Variants in FAM149B1 observed in about 807,000 individuals in gnomAD.
The protein encoded by FAM149B1 is family with sequence similarity 149 member B1.
FAM149B1 carries 56 observed loss-of-function variants against 75.3 expected under a neutral mutation model. That is an observed-to-expected ratio of 0.74 (90% CI 0.60 to 0.93). The LOEUF (loss-of-function observed/expected upper bound fraction) is 0.93, where lower values mean the gene tolerates loss of function less well. FAM149B1 is among the 40% of genes least tolerant of loss of function. The probability of loss-of-function intolerance (pLI) is 0.00; values close to 1 mark genes in which losing one functional copy is unlikely to be tolerated. For synonymous variants in FAM149B1, 259 were observed against 256.1 expected, an observed-to-expected ratio of 1.01 and a Z score of -0.11; for missense variants, 639 against 708.4, an observed-to-expected ratio of 0.90 and a Z score of 1.11.
chr10:73,230,575 G>A (rs1305683694), intron 9 of FAM149B1, 50 bp downstream of exon 9: 1 of 1,076,036 alleles, frequency 9.3e-7, no homozygotes, highest in African/African-American at 1.6e-5. Flanking sequence ...GGAAACAGAG[G>A]GAAAGCAAAA....
chr10:73,210,384 G>A lies in FAM149B1; in HGVS notation c.844G>A (p.Val282Ile). The A allele has an allele frequency of 3.2e-6, 5 of 1,551,670 alleles. No individual in the cohort carries two copies. The highest frequency in any genetic ancestry group is 4.4e-6 in the Non-Finnish European group (5 of 1,146,932). Residue 282 changes from valine to isoleucine, a missense_variant, in exon 7 of 14, where the codon GTT becomes ATT. By Grantham distance (29) the Val-to-Ile change is conservative. Transcript: ENST00000242505. ...TGTGTTTGACAGTGTATGGTGCAAGGTTGTGAGCTGTATGGAGCAGTTGAC... is the reference window on the plus strand; with the variant it reads ...TGTGTTTGACAGTGTATGGTGCAAGATTGTGAGCTGTATGGAGCAGTTGAC... Reference protein sequence around the residue: ...AYVFDSVWCKVVSCMEQLTRS... With the variant: ...AYVFDSVWCKIVSCMEQLTRS...
intron 1 of FAM149B1, among the ~76,000 whole-genome samples, chr10:73,170,124 C>G (rs905127768): frequency 1.3e-5 from 2 of 152,080 alleles, no homozygotes; most frequent in Non-Finnish European, 1.5e-5. Context: ...TCTGGCTAGG[C>G]TGTCTTCTAG....
At position 73,233,061 on chromosome 10, in the gene FAM149B1, G is replaced by A. The variant is rs1484792152; in HGVS notation, c.1250G>A (p.Arg417Lys). 6.4e-7 allele frequency: 1 copy of A among 1,551,530 alleles called. No homozygotes were observed. Among genetic ancestry groups the A allele is most frequent in the African/African-American group, 1.4e-5 (1 of 73,002 alleles). The part of the protein sequence containing the change: ...SSLSYTVQST[R>K]RRNPPPRTLH... ...CTGTCATACACAGTGCAGTCCACCA[G>A]GAGACGCAATCCACCACCACGAACT... The change falls in exon 10 of 14, where the codon AGG becomes AAG. Residue 417 changes from arginine to lysine, a missense_variant. Physicochemically the swap from Arg to Lys is conservative, Grantham distance 26. Coordinates refer to ENST00000242505, the MANE Select transcript of FAM149B1 (RefSeq NM_173348.2).
chr10:73,198,786 C>CAA (rs1388085460), intron 5 of FAM149B1, among the ~76,000 whole-genome samples: 2 of 152,038 alleles, frequency 1.3e-5, no homozygotes, highest in Admixed American at 1.3e-4. Flanking sequence ...GCCTGGGCGG[C>CAA]AAGAGTGAAA....
In FAM149B1 at chr10:73,170,641, G is replaced by A. The variant is rs551807417; in HGVS notation, c.47+2255G>A. The stretch of plus-strand genomic sequence containing the variant: ...TACAATAGGCATACAAAGAAAATAA[G>A]TCTAAAACCTCTCTTTGCCTTTTAG... On this transcript the variant is annotated intron_variant, in intron 1 of 13. Transcript: ENST00000242505. Among the ~76,000 whole-genome samples the A allele has an allele frequency of 2.6e-5, 4 of 152,266 alleles. No homozygotes were observed. The South Asian group carries it at 6.2e-4, about 24-fold the overall frequency.
In FAM149B1 at chr10:73,230,426, G is replaced by C. The variant is rs770670664; in HGVS notation, c.1028G>C (p.Ser343Thr). The C allele has an allele frequency of 4.1e-5, 62 of 1,528,606 alleles. No individual in the cohort carries two copies. Among genetic ancestry groups the C allele is most frequent in the Non-Finnish European group, 5.5e-5 (62 of 1,125,834 alleles). The allele number at this position is 1,528,606 out of a possible 1,614,324, so 94.7% of individuals were successfully genotyped here. A position where few individuals can be genotyped will look rare whatever the true frequency, so the allele number is the denominator to read the frequency against. The change falls in exon 9 of 14, where the codon AGT (serine) becomes ACT (threonine). Residue 343 changes from serine (S) to threonine (T), a missense_variant. Transcript: ENST00000242505. Reference sequence around the variant, plus strand: ...CTGTCTTCTTTCAACACGTAGATGAGTCTCTGTCAAGCAAGCAGACATCAG... The same window carrying C: ...CTGTCTTCTTTCAACACGTAGATGACTCTCTGTCAAGCAAGCAGACATCAG... ...KVLYITSNPMSLCQASRHQPN... is the reference protein window; with the variant it reads ...KVLYITSNPMTLCQASRHQPN...
At chr10:73,227,028 T>A (rs2043568987) in intron 7 of FAM149B1, among the ~76,000 whole-genome samples, 1 of 152,268 alleles carries the variant, frequency 6.6e-6, no homozygotes, top group Non-Finnish European at 1.5e-5. Flanking sequence ...GTTTTTATAA[T>A]GATTTTAACT....
chr10:73,168,480 G>A, intron 1 of FAM149B1, 94 bp downstream of exon 1: 5 of 1,419,124 alleles, frequency 3.5e-6, no homozygotes, highest in Non-Finnish European at 3.8e-6. Flanking sequence ...CTTTCCCAGG[G>A]CTGGGGAGAG....
At chr10:73,228,794 C>G (rs1016963115) in intron 8 of FAM149B1, among the ~76,000 whole-genome samples, 1 of 152,130 alleles carries the variant, frequency 6.6e-6, no homozygotes, top group Non-Finnish European at 1.5e-5. Flanking sequence ...CAGAGTTTCA[C>G]CATGTTGGCC....
intron 1 of FAM149B1, among the ~76,000 whole-genome samples, chr10:73,171,479 A>C (rs1292842517): frequency 6.6e-6 from 1 of 152,186 alleles, no homozygotes; most frequent in African/African-American, 2.4e-5. Context: ...TGGGAAAGGA[A>C]TGATTTTCAA....
At chr10:73,229,256 A>T (rs2043629081) in intron 8 of FAM149B1, among the ~76,000 whole-genome samples, 1 of 152,164 alleles carries the variant, frequency 6.6e-6, no homozygotes, top group Non-Finnish European at 1.5e-5. Context: ...GGTGGAAAAA[A>T]AAAACCAGAG....
intron 1 of FAM149B1, among the ~76,000 whole-genome samples, chr10:73,171,711 C>T (rs1843725989): frequency 6.6e-6 from 1 of 151,388 alleles, no homozygotes; most frequent in Admixed American, 6.6e-5. Context: ...TCACTGCAAG[C>T]TCCGCCTCCC....
intron 5 of FAM149B1, among the ~76,000 whole-genome samples, chr10:73,208,016 G>T (rs902919639): frequency 6.6e-6 from 1 of 152,230 alleles, no homozygotes; most frequent in Non-Finnish European, 1.5e-5. Context: ...TTTGGGAGGA[G>T]CCAAGGGCAG....
At chr10:73,214,813 A>C (rs1006039725) in intron 7 of FAM149B1, among the ~76,000 whole-genome samples, 1 of 152,168 alleles carries the variant, frequency 6.6e-6, no homozygotes, top group Non-Finnish European at 1.5e-5. Context: ...GGCCTCATAG[A>C]ATAAGTTAAG....
chr10:73,225,848 A>C (rs12570193), intron 7 of FAM149B1, among the ~76,000 whole-genome samples: 1 of 152,190 alleles, frequency 6.6e-6, no homozygotes, highest in Admixed American at 6.5e-5. Context: ...GTTTAAATAT[A>C]CAAATGCTAA....
chr10:73,235,509 T>C (rs2043801746), intron 12 of FAM149B1, 191 bp downstream of exon 12: 1 of 1,300,024 alleles, frequency 7.7e-7, no homozygotes, highest in South Asian at 1.6e-5. Context: ...TATTCTTTAA[T>C]GCCTTATACA....
At chr10:73,209,722 C>A (rs1218587172) in intron 6 of FAM149B1, among the ~76,000 whole-genome samples, 1 of 152,226 alleles carries the variant, frequency 6.6e-6, no homozygotes, top group Non-Finnish European at 1.5e-5. Flanking sequence ...TGCTACCTTT[C>A]TGTGACATTA....
chr10:73,171,951 C>T (rs1005475876), intron 1 of FAM149B1, among the ~76,000 whole-genome samples: 12 of 152,108 alleles, frequency 7.9e-5, no homozygotes, highest in Admixed American at 7.2e-4. Flanking sequence ...ATTAACTTCT[C>T]TGCACCTCTC....
rs372533445 is a variant in FAM149B1, at chr10:73,206,913, TCAAAAAAA to T, written c.543-1701_543-1694del. The stretch of plus-strand genomic sequence containing the variant: ...TTGGGTGATACAGCAAGACTCTGTC[TCAAAAAAA>T]CAAACAAACAAACAAACAAACAAAT... On this transcript the variant is annotated intron_variant, in intron 5 of 13. Coordinates refer to ENST00000242505, the MANE Select transcript of FAM149B1 (RefSeq NM_173348.2). Among the ~76,000 whole-genome samples the T allele has an allele frequency of 2.6e-3, 385 of 147,808 alleles. 1 individual carries two copies. The highest frequency in any genetic ancestry group is 9.6e-3 in the African/African-American group (366 of 38,268).
Sources: gnomAD v4.1 joint callset for allele counts (sites outside exome capture counted in the v4.1 genomes callset) on GRCh38, gnomAD v4.1.1 for gene constraint, MANE v1.5 for transcripts, NCBI Gene and HGNC (gene_info 2026-07-23, HGNC 2026-07-21) for gene names.